Variants in THAP5 observed in about 807,000 individuals in gnomAD.
THAP5 encodes THAP domain-containing protein 5.
In THAP5, 26 loss-of-function variants were observed where a neutral mutation model predicts 34.0. The ratio of observed to expected loss-of-function variants is 0.77; its 90% CI spans 0.56 to 1.06. The LOEUF (loss-of-function observed/expected upper bound fraction) is 1.06. Among genes scored for constraint, THAP5 ranks in the 50% least tolerant of loss-of-function variants. The probability of loss-of-function intolerance (pLI) is 0.00; values close to 1 mark genes in which losing one functional copy is unlikely to be tolerated. For missense variants in THAP5, 394 were observed against 452.8 expected (o/e 0.87, Z 1.18); for synonymous variants, 125 against 153.0 (o/e 0.82, Z 1.35).
Position 108,564,179 on chromosome 7 carries a change from A to G in THAP5, c.*12T>C. 1.9e-6 allele frequency: 3 copies of G among 1,540,430 alleles called. No homozygotes were observed. The South Asian group carries it at 3.8e-5, about 19-fold the overall frequency. On this transcript the variant is annotated 3_prime_UTR_variant, in exon 3 of 3. Transcript: ENST00000415914. ...GCTTATTTAACAGCCATAGTTTTAA[A>G]ACCTAGTTATTCTATATCATAGTGA...
intron 1 of THAP5, among the ~76,000 whole-genome samples, chr7:108,568,948 T>G (rs1460764129): frequency 2.0e-5 from 3 of 152,208 alleles, no homozygotes; most frequent in Non-Finnish European, 4.4e-5. Flanking sequence ...GAATAAAACC[T>G]TGTTCTCCGC....
downstream of THAP5, among the ~76,000 whole-genome samples, chr7:108,553,255 C>A (rs1034047183): frequency 2.0e-5 from 3 of 151,978 alleles, no homozygotes; most frequent in Non-Finnish European, 2.9e-5. Flanking sequence ...GTTGCCCAGG[C>A]TGGTCTCAAA....
chr7:108,559,966 C>T (rs945658883), downstream of THAP5, among the ~76,000 whole-genome samples: 3 of 152,142 alleles, frequency 2.0e-5, no homozygotes, highest in African/African-American at 4.8e-5. Flanking sequence ...TATTTTAGAG[C>T]TTCTTTTATT....
chr7:108,553,140 G>A (rs2154517834), downstream of THAP5, among the ~76,000 whole-genome samples: 1 of 152,242 alleles, frequency 6.6e-6, no homozygotes, highest in East Asian at 1.9e-4. Flanking sequence ...TTAGTAAAAT[G>A]CAGCAACATT....
intron 1 of THAP5, among the ~76,000 whole-genome samples, chr7:108,567,407 GT>G (rs1790508445): frequency 6.6e-6 from 1 of 151,838 alleles, no homozygotes; most frequent in Non-Finnish European, 1.5e-5. Flanking sequence ...GCTTTTTACT[GT>G]AAATTCATGT....
chr7:108,564,062 A>G lies in THAP5; in HGVS notation c.*129T>C, dbSNP rs1790419749. 1.4e-6 allele frequency: 1 copy of G among 731,646 alleles called. No individual in the cohort carries two copies. Among genetic ancestry groups the G allele is most frequent in the Admixed American group, 3.2e-5 (1 of 31,102 alleles). 45.3% of individuals were successfully genotyped at this position (731,646 alleles called of 1,614,324 possible). On this transcript the variant is annotated 3_prime_UTR_variant, in exon 3 of 3. Transcript: ENST00000415914. ...GTATTACAAGAATAGGATACAGTTC[A>G]TAACTTTACAACACTCTCATAGGTT...
intron 1 of THAP5, among the ~76,000 whole-genome samples, chr7:108,567,624 A>T (rs1205513492): frequency 6.6e-6 from 1 of 152,160 alleles, no homozygotes; most frequent in Non-Finnish European, 1.5e-5. Context: ...TCATTGTCTT[A>T]TGTAATTCCC....
chr7:108,567,258 T>G (rs1790505977), intron 1 of THAP5, among the ~76,000 whole-genome samples: 1 of 152,224 alleles, frequency 6.6e-6, no homozygotes, highest in African/African-American at 2.4e-5. Context: ...AATATTAGGT[T>G]GTAAGTATGA....
chr7:108,569,265 C>T, intron 1 of THAP5: 1 of 1,425,030 alleles, frequency 7.0e-7, no homozygotes, highest in Non-Finnish European at 9.1e-7. Context: ...CTGTTAACAC[C>T]CAAACAGGCT....
intron 1 of THAP5, 74 bp from the exon 2 acceptor site, chr7:108,566,096 C>T (rs1790482695): frequency 7.7e-7 from 1 of 1,298,122 alleles, no homozygotes; most frequent in East Asian, 2.5e-5. Context: ...AATTCCCACC[C>T]TATATATCTG....
At chr7:108,558,087 C>T (rs535116472), downstream of THAP5, among the ~76,000 whole-genome samples, 46 of 151,916 alleles carry the variant, frequency 3.0e-4, 1 homozygote, top group Middle Eastern at 3.4e-3. Context: ...TTCACTACCA[C>T]GAGAATAGAA....
rs1181476120 is a variant in THAP5, at chr7:108,563,918, TTC to T, written c.*271_*272del. 1 of 252,006 alleles carries T rather than the reference TTC, an allele frequency of 4.0e-6. No homozygotes were observed. Among genetic ancestry groups the T allele is most frequent in the African/African-American group, 2.2e-5 (1 of 44,834 alleles). The allele number at this position is 252,006 out of a possible 1,614,324, so 15.6% of individuals were successfully genotyped here. A position where few individuals can be genotyped will look rare whatever the true frequency, so the allele number is the denominator to read the frequency against. ...CTTCTAGTCTGTGCTCTTTGAACACTTCTTTGTTTTCTCATGTTATAACTGAA... is the reference window on the plus strand; with the variant it reads ...CTTCTAGTCTGTGCTCTTTGAACACTTTTGTTTTCTCATGTTATAACTGAA... On this transcript the variant is annotated 3_prime_UTR_variant, in exon 3 of 3. Transcript: ENST00000415914.
the THAP5 span, among the ~76,000 whole-genome samples, chr7:108,546,462 C>T: frequency 4.6e-5 from 7 of 152,316 alleles, no homozygotes; most frequent in Admixed American, 4.6e-4. Flanking sequence ...GACCCTTACC[C>T]ACACCGCTGC....
At chr7:108,544,163 A>G in the THAP5 span, among the ~76,000 whole-genome samples, 3 of 152,218 alleles carry the variant, frequency 2.0e-5, no homozygotes, top group Admixed American at 2.0e-4. Context: ...TTCCTGATGA[A>G]GTCTACTAAA....
In THAP5 at chr7:108,563,608, T is replaced by C. The variant is rs914911397; in HGVS notation, c.*583A>G. ...TATTACAGATAATATAACTGTAATA[T>C]GTAACTATAGCCAAAAGGTCAAAGA... On this transcript the variant is annotated 3_prime_UTR_variant, in exon 3 of 3. Coordinates refer to ENST00000415914, the MANE Select transcript of THAP5 (RefSeq NM_001130475.3). The C allele has an allele frequency of 2.0e-5, 3 of 147,468 alleles. No individual in the cohort carries two copies. Among genetic ancestry groups the C allele is most frequent in the Admixed American group, 6.8e-5 (1 of 14,706 alleles). 9.1% of individuals were successfully genotyped at this position (147,468 alleles called of 1,614,324 possible). A position where few individuals can be genotyped will look rare whatever the true frequency, so the allele number is the denominator to read the frequency against.
chr7:108,548,051 G>C, the THAP5 span, among the ~76,000 whole-genome samples: 1 of 152,202 alleles, frequency 6.6e-6, no homozygotes, highest in East Asian at 1.9e-4. Context: ...TGGAGGGAAT[G>C]CTACTGCACC....
At position 108,564,842 on chromosome 7, in the gene THAP5, G is replaced by C; in HGVS notation, c.537C>G (p.Thr179=). Residue 179 remains threonine, a synonymous_variant, in exon 3 of 3, where the codon ACC becomes ACG. Coordinates refer to ENST00000415914, the MANE Select transcript of THAP5 (RefSeq NM_001130475.3). ...VKQHTGKPES[T]LETSVNQDTG... ...TATCTTGGTTAACTGATGTTTCCAA[G>C]GTAGATTCTGGTTTCCCAGTATGTT... 6.2e-7 allele frequency: 1 copy of C among 1,612,492 alleles called. No homozygotes were observed. Among genetic ancestry groups the C allele is most frequent in the South Asian group, 1.1e-5 (1 of 90,882 alleles).
chr7:108,564,749 T>C lies in THAP5; in HGVS notation c.630A>G (p.Ser210=). The part of the protein sequence containing the change: ...LNSTTITLTT[S]NSESIHQSLE... ...AAGATTGATGAATACTTTCTGAATTTGAAGTTGTCAAAGTAATAGTTGTAG... is the reference window on the plus strand; with the variant it reads ...AAGATTGATGAATACTTTCTGAATTCGAAGTTGTCAAAGTAATAGTTGTAG... Residue 210 remains serine, a synonymous_variant, in exon 3 of 3, where the codon TCA becomes TCG. Coordinates refer to ENST00000415914, the MANE Select transcript of THAP5 (RefSeq NM_001130475.3). 1 of 1,613,474 alleles carries C rather than the reference T, an allele frequency of 6.2e-7. No individual in the cohort carries two copies. Among genetic ancestry groups the C allele is most frequent in the Non-Finnish European group, 8.5e-7 (1 of 1,179,630 alleles).
At chr7:108,551,574 C>T (rs563706691), downstream of THAP5, among the ~76,000 whole-genome samples, 23 of 152,300 alleles carry the variant, frequency 1.5e-4, no homozygotes, top group South Asian at 2.1e-4. Context: ...TAGACTAAGA[C>T]GTCCACATCT....
Sources: allele counts gnomAD v4.1 joint callset (sites outside exome capture counted in the v4.1 genomes callset), GRCh38; gene constraint gnomAD v4.1.1; transcripts MANE v1.5; gene names NCBI Gene and HGNC (gene_info 2026-07-23, HGNC 2026-07-21).